Variants in CARD14 observed in about 807,000 individuals in gnomAD.
The protein encoded by CARD14 is caspase recruitment domain-containing protein 14.
CARD14 carries 107 observed loss-of-function variants against 111.5 expected under a neutral mutation model. The ratio of observed to expected loss-of-function variants is 0.96; its 90% confidence interval spans 0.82 to 1.13. The LOEUF is 1.13. Ranked by LOEUF, CARD14 falls within the 50% of genes most tolerant of loss-of-function variation. The pLI is 0.00. For synonymous variants in CARD14, 617 were observed against 579.6 expected (o/e 1.06, Z -0.93); for missense variants, 1,322 against 1,362.3 (o/e 0.97, Z 0.47).
At chr17:80,202,739 T>C (rs549110190) in intron 18 of CARD14, 6 of 542,724 alleles carry the variant, frequency 1.1e-5, no homozygotes, top group South Asian at 6.4e-5. Context: ...CTGCAGGATA[T>C]AGAGCAGCAT....
In CARD14 at chr17:80,188,657, G is replaced by T. The variant is rs2040422256; in HGVS notation, c.843+113G>T. The T allele has an allele frequency of 5.4e-6, 6 of 1,105,442 alleles. No individual in the cohort carries two copies. The highest frequency in any genetic ancestry group is 7.1e-6 in the Non-Finnish European group (6 of 848,258). The allele number at this position is 1,105,442 out of a possible 1,614,324, so 68.5% of individuals were successfully genotyped here. ...TAAGGTGAGGCTAAGAACAAGAGAT[G>T]AAATTTAGTGACTCATCTCACCCAC... On this transcript the variant is annotated intron_variant, in intron 8 of 23. Transcript: ENST00000648509. The surrounding 1 kb of genome is among the most constrained non-coding windows in gnomAD (Gnocchi z 4.5).
At position 80,202,060 on chromosome 17, in the gene CARD14, G is replaced by A. The variant is rs981280509; in HGVS notation, c.1979-120G>A. On this transcript the variant is annotated intron_variant, in intron 17 of 23. Transcript: ENST00000648509. ...AAACCTCCCACCCACTGACTCCAGT[G>A]CCAGAGCAGCTTCTGAGACTGGGAG... The A allele has an allele frequency of 2.5e-5, 30 of 1,208,702 alleles. No individual in the cohort carries two copies. In the Middle Eastern group the frequency reaches 1.4e-3, roughly 58 times the overall value. 74.9% of individuals were successfully genotyped at this position (1,208,702 alleles called of 1,614,324 possible).
Position 80,201,924 on chromosome 17 carries a change from C to A in CARD14, c.1978+54C>A. On this transcript the variant is annotated intron_variant, in intron 17 of 23. Transcript: ENST00000648509. This position sits in a 1 kb window ranked among gnomAD's most constrained non-coding sequence, Gnocchi z 5.0. ...AGCTGCCTGGCCAGACTCCATGACC[C>A]TTAAGTCCCTGGTGGTTCTTCTGCA... The A allele has an allele frequency of 6.4e-7, 1 of 1,551,496 alleles. No individual in the cohort carries two copies. Among genetic ancestry groups the A allele is most frequent in the South Asian group, 1.2e-5 (1 of 81,264 alleles).
chr17:80,178,704 C>T (rs1319996188), intron 3 of CARD14, 49 bp downstream of exon 3: 1 of 152,204 alleles, frequency 6.6e-6, no homozygotes, highest in African/African-American at 2.4e-5. Context: ...TGGCGCTGCT[C>T]CTGCACACAC....
intron 17 of CARD14, 153 bp downstream of exon 17, chr17:80,202,023 C>A: frequency 1.6e-6 from 2 of 1,247,394 alleles, no homozygotes; most frequent in African/African-American, 1.5e-5. Context: ...AGGAGGCCCC[C>A]AAGCCAGCTG....
At position 80,203,550 on chromosome 17, in the gene CARD14, G is replaced by A; in HGVS notation, c.2220-272G>A. ...TGGAGTGGGGCCCTGTACGCTGGCTGCTCAACAGCACCCCCTGGGTCCCGC... is the reference window on the plus strand; with the variant it reads ...TGGAGTGGGGCCCTGTACGCTGGCTACTCAACAGCACCCCCTGGGTCCCGC... On this transcript the variant is annotated intron_variant, in intron 18 of 23. Transcript: ENST00000648509. The surrounding 1 kb of genome is among the most constrained non-coding windows in gnomAD (Gnocchi z 4.6). 4.7e-6 allele frequency: 2 copies of A among 427,056 alleles called. No individual in the cohort carries two copies. The highest frequency in any genetic ancestry group is 4.2e-6 in the Non-Finnish European group (1 of 240,054). 26.5% of individuals were successfully genotyped at this position (427,056 alleles called of 1,614,324 possible). A position where few individuals can be genotyped will look rare whatever the true frequency, so the allele number is the denominator to read the frequency against.
chr17:80,207,196 C>G (rs926868224), intron 23 of CARD14, 111 bp downstream of exon 23: 3 of 686,858 alleles, frequency 4.4e-6, no homozygotes, highest in African/African-American at 1.8e-5. Context: ...GAAGCTGAGG[C>G]GCTGACAGGG....
In CARD14 at chr17:80,198,780, C is replaced by T; in HGVS notation, c.1851+189C>T. 4 of 1,496,758 alleles carry T rather than the reference C, an allele frequency of 2.7e-6. No homozygotes were observed. The highest frequency in any genetic ancestry group is 3.5e-6 in the Non-Finnish European group (4 of 1,127,982). The allele number at this position is 1,496,758 out of a possible 1,614,324, so 92.7% of individuals were successfully genotyped here. ...AGATGAGAGTCGTGCCGTGCAGAACCCAGCATGTCACCCGTGGTGCTGCTG... is the reference window on the plus strand; with the variant it reads ...AGATGAGAGTCGTGCCGTGCAGAACTCAGCATGTCACCCGTGGTGCTGCTG... On this transcript the variant is annotated intron_variant, in intron 16 of 23. Coordinates refer to ENST00000648509, the MANE Select transcript of CARD14 (RefSeq NM_001366385.1). This position sits in a 1 kb window ranked among gnomAD's most constrained non-coding sequence, Gnocchi z 7.5.
At chr17:80,202,624 T>C in intron 18 of CARD14, 1 of 1,406,812 alleles carries the variant, frequency 7.1e-7, no homozygotes, top group East Asian at 2.6e-5. Flanking sequence ...GAAATGTTCA[T>C]TCTAGAACAT....
Position 80,184,232 on chromosome 17 carries a change from G to C in CARD14, c.669G>C (p.Gln223His), listed in dbSNP as rs777994413. 1.2e-5 allele frequency: 18 copies of C among 1,526,414 alleles called. No individual in the cohort carries two copies. In the African/African-American group the frequency reaches 2.3e-4, roughly 20 times the overall value. 94.6% of individuals were successfully genotyped at this position (1,526,414 alleles called of 1,614,324 possible). The change falls in exon 7 of 24, where the codon CAG (glutamine) becomes CAC (histidine). Residue 223 changes from glutamine to histidine, a missense_variant. Gln to His is a conservative substitution (Grantham distance 24). Transcript: ENST00000648509. ...ELAASRCRSLQEELYLLKQEL... is the reference protein window; with the variant it reads ...ELAASRCRSLHEELYLLKQEL... ...CCGCCTCACGCTGCCGCAGCCTGCA[G>C]GAGGAGGTAGGGGGACACCCTGCAC...
intron 2 of CARD14, among the ~76,000 whole-genome samples, 162 bp downstream of exon 2, chr17:80,173,390 G>A (rs781171354): frequency 7.9e-5 from 12 of 151,756 alleles, no homozygotes; most frequent in Non-Finnish European, 1.8e-4. Context: ...GGATGGATGG[G>A]CACATAGATT....
Position 80,188,472 on chromosome 17 carries a change from G to A in CARD14, c.771G>A (p.Gln257=). 5.0e-6 allele frequency: 8 copies of A among 1,593,176 alleles called. No homozygotes were observed. The highest frequency in any genetic ancestry group is 6.8e-6 in the Non-Finnish European group (8 of 1,171,214). ...QEQSLRTASD[Q]ESGDEELNRL... ...AGTCCCTGAGGACAGCCAGCGACCAGGAGTCCGGGGATGAGGAGCTGAACC... is the reference window on the plus strand; with the variant it reads ...AGTCCCTGAGGACAGCCAGCGACCAAGAGTCCGGGGATGAGGAGCTGAACC... The change falls in exon 8 of 24, where the codon CAG becomes CAA. Residue 257 remains glutamine, a synonymous_variant. Coordinates refer to ENST00000648509, the MANE Select transcript of CARD14 (RefSeq NM_001366385.1). The surrounding 1 kb of genome is among the most constrained non-coding windows in gnomAD (Gnocchi z 4.5).
chr17:80,202,650 C>G, intron 18 of CARD14: 2 of 1,375,716 alleles, frequency 1.5e-6, no homozygotes. Context: ...ATCTGGGTTT[C>G]TTAGCTCTGG....
Position 80,188,310 on chromosome 17 carries a change from G to A in CARD14, c.676-67G>A, listed in dbSNP as rs1374426705. On this transcript the variant is annotated intron_variant, in intron 7 of 23. Transcript: ENST00000648509. This position sits in a 1 kb window ranked among gnomAD's most constrained non-coding sequence, Gnocchi z 4.5. ...ATCATTAGGAGGAAGGGTGAGAAATGCCCCCAGCTCCTGATCAGGGGAGAA... is the reference window on the plus strand; with the variant it reads ...ATCATTAGGAGGAAGGGTGAGAAATACCCCCAGCTCCTGATCAGGGGAGAA... The A allele has an allele frequency of 1.4e-6, 2 of 1,476,778 alleles. No individual in the cohort carries two copies. 91.5% of individuals were successfully genotyped at this position (1,476,778 alleles called of 1,614,324 possible).
chr17:80,198,881 T>C lies in CARD14; in HGVS notation c.1851+290T>C, dbSNP rs1169801266. The C allele has an allele frequency of 9.4e-6, 13 of 1,382,802 alleles. No individual in the cohort carries two copies. Among genetic ancestry groups the C allele is most frequent in the Non-Finnish European group, 1.1e-5 (12 of 1,069,870 alleles). The allele number at this position is 1,382,802 out of a possible 1,614,324, so 85.7% of individuals were successfully genotyped here. On this transcript the variant is annotated intron_variant, in intron 16 of 23. Transcript: ENST00000648509. This position sits in a 1 kb window ranked among gnomAD's most constrained non-coding sequence, Gnocchi z 7.5. The stretch of plus-strand genomic sequence containing the variant: ...CTGCTCTGGGTGGTCACTTTGGGTG[T>C]GTACAGTAAAATACACGTGACATAA...
Position 80,184,074 on chromosome 17 carries a change from C to T in CARD14, c.511C>T (p.His171Tyr), listed in dbSNP as rs281875216. The change falls in exon 7 of 24, where the codon CAC (histidine) becomes TAC (tyrosine). Residue 171 changes from histidine (H) to tyrosine (Y), a missense_variant. By Grantham distance (83) the His-to-Tyr change is moderately conservative. Transcript: ENST00000648509. Reference protein sequence around the residue: ...GLAETRAEGLHQLEADHSRMK... With the variant: ...GLAETRAEGLYQLEADHSRMK... ...GGCCGAGACCCGTGCCGAGGGCCTG[C>T]ACCAGCTGGAGGCTGACCACAGCCG... The T allele has an allele frequency of 6.9e-6, 11 of 1,585,394 alleles. No homozygotes were observed. The highest frequency in any genetic ancestry group is 8.6e-6 in the Non-Finnish European group (10 of 1,166,612).
rs762467897 is a variant in CARD14, at chr17:80,192,204, CTGTGTGTGTATGTA to C, written c.1240-287_1240-274del. 2.0e-4 allele frequency: 42 copies of C among 205,448 alleles called. 1 individual carries two copies. Among genetic ancestry groups the C allele is most frequent in the African/African-American group, 4.6e-5 (2 of 43,262 alleles). The allele number at this position is 205,448 out of a possible 1,614,324, so 12.7% of individuals were successfully genotyped here. On this transcript the variant is annotated intron_variant, in intron 11 of 23. Coordinates refer to ENST00000648509, the MANE Select transcript of CARD14 (RefSeq NM_001366385.1). ...GTTCTACTTGCCTTCCTCCAATTTT[CTGTGTGTGTATGTA>C]TGTGTGTGTATTATACATTATTCGT...
rs747439154 is a variant in CARD14, at chr17:80,190,914, G to C, written c.1089+15G>C. The C allele has an allele frequency of 3.9e-5, 63 of 1,610,894 alleles. No individual in the cohort carries two copies. The highest frequency in any genetic ancestry group is 5.3e-5 in the African/African-American group (4 of 74,796). ...AGCGAGACCAGGTACCTGAGAGGCC[G>C]GGCCCACCCCGCCACCCCATGCTTG... On this transcript the variant is annotated intron_variant, in intron 10 of 23. Transcript: ENST00000648509.
At chr17:80,174,746 C>T (rs372629827) in intron 2 of CARD14, among the ~76,000 whole-genome samples, 1 of 152,172 alleles carries the variant, frequency 6.6e-6, no homozygotes, top group Admixed American at 6.5e-5. Context: ...TGGCTCAGTA[C>T]AGCCCCCTCC....
Sources: allele counts gnomAD v4.1 joint callset (sites outside exome capture counted in the v4.1 genomes callset), GRCh38; gene constraint gnomAD v4.1.1; non-coding constraint Gnocchi (gnomAD v3.1); transcripts MANE v1.5; gene names NCBI Gene and HGNC (gene_info 2026-07-23, HGNC 2026-07-21).